TYW1: variants seen among roughly 807,000 people sequenced by gnomAD.
The protein encoded by TYW1 is S-adenosyl-L-methionine-dependent tRNA 4-demethylwyosine synthase TYW1.
In TYW1, 46 loss-of-function variants were observed where a neutral mutation model predicts 96.2. That is an observed-to-expected ratio of 0.48 (90% CI 0.38 to 0.61). The LOEUF is 0.61. Ranked by LOEUF, TYW1 falls within the 20% of genes least tolerant of loss-of-function variation. TYW1 has a pLI of 0.00. For missense variants in TYW1, 684 were observed against 909.6 expected (o/e 0.75, Z 3.19); for synonymous variants, 274 against 323.0 (o/e 0.85, Z 1.63).
chr7:67,151,807 G>T (rs10241607), intron 13 of TYW1, among the ~76,000 whole-genome samples: 53,500 of 150,894 alleles, frequency 0.35, 9,738 homozygotes, highest in East Asian at 0.46. Flanking sequence ...TGCTTTTTTT[G>T]TTGTTGTTGT....
In TYW1 at chr7:66,998,878, A is replaced by G. The variant is rs1280605971; in HGVS notation, c.197A>G (p.Tyr66Cys). Reference protein sequence around the residue: ...KAAQDLMTNGYVSLQEKDIFV... With the variant: ...KAAQDLMTNGCVSLQEKDIFV... ...GCTCAGGATTTGATGACAAATGGTT[A>G]TGTCTCCCTTCAAGAGAAAGACATC... is the stretch of plus-strand genomic sequence containing the variant. Residue 66 changes from tyrosine to cysteine, a missense_variant, in exon 3 of 16, where the codon TAT becomes TGT. Tyr to Cys is a radical substitution (Grantham distance 194). Transcript: ENST00000359626. 5.6e-6 allele frequency: 9 copies of G among 1,614,166 alleles called. No homozygotes were observed. The highest frequency in any genetic ancestry group is 7.6e-6 in the Non-Finnish European group (9 of 1,180,004).
At chr7:67,236,430 G>A (rs1801893415) in intron 15 of TYW1, among the ~76,000 whole-genome samples, 1 of 152,256 alleles carries the variant, frequency 6.6e-6, no homozygotes, top group Non-Finnish European at 1.5e-5. Flanking sequence ...GGCAGCAGAA[G>A]TGCTGCCCAG....
chr7:67,098,610 TG>T lies in TYW1; in HGVS notation c.1457del (p.Gly486GlufsTer4). On this transcript the variant is annotated frameshift_variant, in exon 12 of 16. Transcript: ENST00000359626. LOFTEE classifies it high-confidence loss of function. ...MTVKHCALSL[V>X]GEPIMYPEIN... is the part of the protein sequence containing the mutation. ...GTAAAGCACTGTGCATTGTCCCTCG[TG>T]GGAGAACCAATAATGTACCCAGAGA... is the stretch of plus-strand genomic sequence containing the variant. The T allele has an allele frequency of 1.2e-6, 2 of 1,613,740 alleles. No homozygotes were observed. Among genetic ancestry groups the T allele is most frequent in the Non-Finnish European group, 1.7e-6 (2 of 1,179,924 alleles).
At chr7:67,077,987 G>A (rs1055494697) in intron 10 of TYW1, among the ~76,000 whole-genome samples, 8 of 151,980 alleles carry the variant, frequency 5.3e-5, no homozygotes, top group Non-Finnish European at 8.8e-5. Flanking sequence ...TAAATATTTG[G>A]ATTTATTTCT....
intron 13 of TYW1, among the ~76,000 whole-genome samples, chr7:67,155,930 C>T (rs905920069): frequency 4.6e-5 from 7 of 151,346 alleles, no homozygotes; most frequent in East Asian, 1.9e-4. Flanking sequence ...TCTGGGTGGG[C>T]GCAGCAGTGT....
chr7:67,194,237 A>G (rs1408010086), intron 14 of TYW1, among the ~76,000 whole-genome samples: 1 of 152,064 alleles, frequency 6.6e-6, no homozygotes, highest in Non-Finnish European at 1.5e-5. Context: ...AGTTGTGTGT[A>G]AAGGTATATA....
At chr7:67,173,340 C>T (rs899047869) in intron 13 of TYW1, among the ~76,000 whole-genome samples, 7 of 152,136 alleles carry the variant, frequency 4.6e-5, no homozygotes, top group Non-Finnish European at 1.0e-4. Flanking sequence ...TGCAACATCC[C>T]GAATTTGGCT....
intron 13 of TYW1, among the ~76,000 whole-genome samples, chr7:67,148,877 T>C (rs1183612381): frequency 6.6e-6 from 1 of 152,246 alleles, no homozygotes; most frequent in Non-Finnish European, 1.5e-5. Context: ...TTGTTTTTAA[T>C]GATATTTCCT....
rs746184697 is a variant in TYW1 at position 67,014,546 on chromosome 7, T to C, written c.555T>C (p.Ala185=). Residue 185 remains alanine, a synonymous_variant, in exon 5 of 16, where the codon GCT becomes GCC. Coordinates refer to ENST00000359626, the MANE Select transcript of TYW1 (RefSeq NM_018264.4). ...TTGGCCTGGGAAATTCTGCCTATGCTAGCCACTTCAACAAGGTAGGTCTAT... is the reference window on the plus strand; with the variant it reads ...TTGGCCTGGGAAATTCTGCCTATGCCAGCCACTTCAACAAGGTAGGTCTAT... ...AVFGLGNSAY[A]SHFNKVGKNV... 6.2e-7 allele frequency: 1 copy of C among 1,611,734 alleles called. No individual in the cohort carries two copies. The highest frequency in any genetic ancestry group is 1.1e-5 in the South Asian group (1 of 90,688).
At chr7:67,151,541 A>G (rs1584625004) in intron 13 of TYW1, among the ~76,000 whole-genome samples, 1 of 152,066 alleles carries the variant, frequency 6.6e-6, no homozygotes, top group East Asian at 1.9e-4. Context: ...ATTCTTATAT[A>G]TTTTCATTTA....
intron 13 of TYW1, among the ~76,000 whole-genome samples, chr7:67,146,345 G>C (rs1345022349): frequency 6.6e-6 from 1 of 151,972 alleles, no homozygotes; most frequent in East Asian, 1.9e-4. Flanking sequence ...GATCTGAACT[G>C]TCCAAACTGT....
chr7:67,175,221 G>T (rs1799634966), intron 13 of TYW1, among the ~76,000 whole-genome samples: 1 of 149,754 alleles, frequency 6.7e-6, no homozygotes, highest in Non-Finnish European at 1.5e-5. Context: ...GCCCAGGCTG[G>T]AGTGCGATGG....
At chr7:67,196,471 T>C (rs1437207412) in intron 15 of TYW1, among the ~76,000 whole-genome samples, 1 of 152,214 alleles carries the variant, frequency 6.6e-6, no homozygotes, top group Non-Finnish European at 1.5e-5. Context: ...GTGATTGCAT[T>C]CTGTACGTTG....
At chr7:67,191,713 C>G (rs1800225144) in intron 14 of TYW1, among the ~76,000 whole-genome samples, 1 of 150,898 alleles carries the variant, frequency 6.6e-6, no homozygotes, top group East Asian at 1.9e-4. Context: ...GAAAACCAGA[C>G]AGAGCCATTG....
chr7:67,093,505 C>T (rs576477389), intron 11 of TYW1, among the ~76,000 whole-genome samples: 9 of 152,114 alleles, frequency 5.9e-5, no homozygotes, highest in Non-Finnish European at 1.3e-4. Flanking sequence ...TTTTGGAGTT[C>T]AGGTTCAACC....
At chr7:67,006,242 T>C (rs1335559853) in intron 3 of TYW1, among the ~76,000 whole-genome samples, 3 of 152,054 alleles carry the variant, frequency 2.0e-5, no homozygotes, top group African/African-American at 7.2e-5. Flanking sequence ...TAAAAGTGTG[T>C]GGCACTGCCT....
chr7:67,070,615 A>G lies in TYW1; in HGVS notation c.1274+3212A>G, dbSNP rs542705337. Among the ~76,000 whole-genome samples, 11 of 152,032 alleles carry G rather than the reference A, an allele frequency of 7.2e-5. No homozygotes were observed. The South Asian group carries it at 2.3e-3, about 32-fold the overall frequency. On this transcript the variant is annotated intron_variant, in intron 10 of 15. Coordinates refer to ENST00000359626, the MANE Select transcript of TYW1 (RefSeq NM_018264.4). ...TCCTTCTTATCATTTGTATCTCTTC[A>G]TTGATATTCTGGATTTGTTTAGACA... is the stretch of plus-strand genomic sequence containing the variant.
chr7:67,199,339 C>T (rs1313917955), intron 15 of TYW1, among the ~76,000 whole-genome samples: 6 of 152,146 alleles, frequency 3.9e-5, no homozygotes, highest in Admixed American at 2.0e-4. Context: ...ACTTGGTACC[C>T]GGTGTCCACA....
At chr7:67,176,665 T>C (rs1367232932) in intron 13 of TYW1, among the ~76,000 whole-genome samples, 3 of 152,006 alleles carry the variant, frequency 2.0e-5, no homozygotes, top group Non-Finnish European at 2.9e-5. Flanking sequence ...CATAAAGGGT[T>C]GTATATGTTT....
Sources: gnomAD v4.1 joint callset for allele counts (sites outside exome capture counted in the v4.1 genomes callset) on GRCh38, gnomAD v4.1.1 for gene constraint, MANE v1.5 for transcripts, NCBI Gene and HGNC (gene_info 2026-07-23, HGNC 2026-07-21) for gene names.